ANKRD44: variants seen among roughly 807,000 people sequenced by gnomAD.
ANKRD44 encodes ankyrin repeat domain 44, also known as serine/threonine-protein phosphatase 6 regulatory ankyrin repeat subunit B.
Under a neutral mutation model 116.0 loss-of-function variants are expected in ANKRD44, and 35 were observed. That is an observed-to-expected ratio of 0.30 (90% CI 0.23 to 0.40). The LOEUF is 0.40. ANKRD44 is among the 10% of genes least tolerant of loss of function. The pLI, the probability that ANKRD44 is intolerant of heterozygous loss-of-function variation, is 1.00. For missense variants in ANKRD44, 1,014 were observed against 1,242.6 expected (o/e 0.82, Z 2.77); for synonymous variants, 435 against 461.8 (o/e 0.94, Z 0.74).
intron 2 of ANKRD44, among the ~76,000 whole-genome samples, chr2:197,174,074 G>A (rs2080305672): frequency 6.6e-6 from 1 of 151,958 alleles, no homozygotes; most frequent in African/African-American, 2.4e-5. Context: ...ACTTACAATG[G>A]TGTTATTTTT....
intron 16 of ANKRD44, among the ~76,000 whole-genome samples, chr2:197,044,665 G>T (rs969899302): frequency 1.1e-4 from 17 of 152,068 alleles, no homozygotes; most frequent in African/African-American, 4.1e-4. Flanking sequence ...AGACTATGAT[G>T]GTCAGTTTTT....
intron 9 of ANKRD44, among the ~76,000 whole-genome samples, chr2:197,102,060 C>G (rs755590127): frequency 2.0e-5 from 3 of 151,080 alleles, no homozygotes; most frequent in Non-Finnish European, 3.0e-5. Context: ...CAAAAAAAAA[C>G]AAAAAACAAA....
intron 1 of ANKRD44, chr2:197,198,825 G>T (rs184710519): frequency 1.5e-5 from 2 of 137,224 alleles, no homozygotes; most frequent in East Asian, 1.9e-4. Context: ...AAAATAAAAT[G>T]TAAATCTAGC....
At chr2:197,092,296 C>T (rs184336316) in intron 10 of ANKRD44, among the ~76,000 whole-genome samples, 10 of 152,344 alleles carry the variant, frequency 6.6e-5, no homozygotes, top group Admixed American at 5.9e-4. Flanking sequence ...TAAGTCTCCT[C>T]TCTGGCACAA....
At chr2:197,152,226 C>T (rs2079671097) in intron 2 of ANKRD44, among the ~76,000 whole-genome samples, 1 of 152,222 alleles carries the variant, frequency 6.6e-6, no homozygotes, top group African/African-American at 2.4e-5. Context: ...CCCAAGTGGA[C>T]TCTCTGTGAT....
At chr2:197,185,881 C>T (rs1392891170) in intron 2 of ANKRD44, among the ~76,000 whole-genome samples, 1 of 152,176 alleles carries the variant, frequency 6.6e-6, no homozygotes, top group Admixed American at 6.5e-5. Context: ...GGTCAGCAAA[C>T]TTTCCCTAAA....
At chr2:196,993,037 G>A (rs2125880171) in intron 27 of ANKRD44, among the ~76,000 whole-genome samples, 1 of 152,208 alleles carries the variant, frequency 6.6e-6, no homozygotes, top group East Asian at 1.9e-4. Context: ...AGTTCATTAG[G>A]AAAGGAACAT....
chr2:197,165,231 G>A (rs1197625643), intron 2 of ANKRD44, among the ~76,000 whole-genome samples: 2 of 152,124 alleles, frequency 1.3e-5, no homozygotes, highest in East Asian at 3.9e-4. Context: ...TGGCACCATC[G>A]GAACAAGAGG....
intron 16 of ANKRD44, among the ~76,000 whole-genome samples, chr2:197,035,432 A>C (rs1004351885): frequency 6.6e-6 from 1 of 152,184 alleles, no homozygotes; most frequent in African/African-American, 2.4e-5. Context: ...AGCCTCTTTC[A>C]TGTTGCTTCT....
Position 197,039,452 on chromosome 2 carries a change from C to T in ANKRD44, c.1651-14185G>A, listed in dbSNP as rs116550867. Among the ~76,000 whole-genome samples the T allele has an allele frequency of 7.3e-3, 1,105 of 152,306 alleles. 12 individuals carry two copies. Among genetic ancestry groups the T allele is most frequent in the African/African-American group, 0.025 (1,038 of 41,544 alleles). On this transcript the variant is annotated intron_variant, in intron 16 of 27. Coordinates refer to ENST00000282272, the MANE Select transcript of ANKRD44 (RefSeq NM_001195144.2). ...TAATCGTTGCAAGGAAATGTCAGTA[C>T]AATGAGATACTTCGGCTACTCCCTT...
chr2:197,127,240 T>TG (rs2125347233), intron 4 of ANKRD44, among the ~76,000 whole-genome samples: 1 of 152,326 alleles, frequency 6.6e-6, no homozygotes, highest in South Asian at 2.1e-4. Flanking sequence ...TCAAGCATCC[T>TG]GACATAAATA....
At chr2:197,258,208 C>T (rs1370243870) in intron 1 of ANKRD44, among the ~76,000 whole-genome samples, 1 of 150,026 alleles carries the variant, frequency 6.7e-6, no homozygotes, top group Non-Finnish European at 1.5e-5. Context: ...TCAAGCAGTT[C>T]TCTTGCCTCA....
chr2:197,061,541 C>T (rs1397040057), intron 16 of ANKRD44, among the ~76,000 whole-genome samples: 2 of 152,176 alleles, frequency 1.3e-5, no homozygotes, highest in Non-Finnish European at 2.9e-5. Context: ...CCTGTGTTCA[C>T]CATGAGAAGT....
rs977601221 is a variant in ANKRD44 at position 197,237,424 on chromosome 2, G to A, written c.28-50318C>T. Among the ~76,000 whole-genome samples the A allele has an allele frequency of 3.3e-5, 5 of 152,060 alleles. No individual in the cohort carries two copies. In the South Asian group the frequency reaches 8.3e-4, roughly 25 times the overall value. ...ATACTTTTCTCAAGAAATAAAACTC[G>A]CCAACCCTCTTGCTTTTAAGCTACA... On this transcript the variant is annotated intron_variant, in intron 1 of 27. Transcript: ENST00000282272.
At chr2:197,225,442 C>T (rs2081684505) in intron 1 of ANKRD44, among the ~76,000 whole-genome samples, 1 of 152,178 alleles carries the variant, frequency 6.6e-6, no homozygotes, top group African/African-American at 2.4e-5. Context: ...CTCCCAGGTT[C>T]AAGGGATTCT....
In ANKRD44 at chr2:197,057,977, C is replaced by T. The variant is rs796653763; in HGVS notation, c.1650+20726G>A. On this transcript the variant is annotated intron_variant, in intron 16 of 27. Coordinates refer to ENST00000282272, the MANE Select transcript of ANKRD44 (RefSeq NM_001195144.2). The stretch of plus-strand genomic sequence containing the variant: ...CAGTCTTATAGAACACACACATTTC[C>T]AACAGAATAATCCATTTTCATTTAT... 2.6e-5 allele frequency among the ~76,000 whole-genome samples: 4 copies of T among 152,068 alleles called. No individual in the cohort carries two copies. In the South Asian group the frequency reaches 8.3e-4, roughly 32 times the overall value.
intron 1 of ANKRD44, among the ~76,000 whole-genome samples, chr2:197,289,088 A>T (rs565559462): frequency 1.3e-5 from 2 of 152,182 alleles, no homozygotes; most frequent in Non-Finnish European, 2.9e-5. Context: ...AATGATAAAT[A>T]CTCAAAGTGA....
chr2:197,207,405 C>T (rs1451384270), intron 1 of ANKRD44, among the ~76,000 whole-genome samples: 2 of 152,162 alleles, frequency 1.3e-5, no homozygotes, highest in Non-Finnish European at 2.9e-5. Context: ...GCTGTGCCTG[C>T]GGATGGCACA....
intron 1 of ANKRD44, among the ~76,000 whole-genome samples, chr2:197,298,803 G>C (rs7422899): frequency 0.28 from 43,243 of 151,914 alleles, 7,486 homozygotes; most frequent in East Asian, 0.47. Context: ...TGTAGTCCCA[G>C]GTACTCAGGA....
Sources: allele counts gnomAD v4.1 joint callset (sites outside exome capture counted in the v4.1 genomes callset), GRCh38; gene constraint gnomAD v4.1.1; transcripts MANE v1.5; gene names NCBI Gene and HGNC (gene_info 2026-07-23, HGNC 2026-07-21).